TTBK2: variants seen among roughly 807,000 people sequenced by gnomAD.
TTBK2 encodes the protein tau-tubulin kinase 2.
In TTBK2, 28 loss-of-function variants were observed where a neutral mutation model predicts 110.8. The observed-to-expected ratio is 0.25, with a 90% CI of 0.19 to 0.35. TTBK2 has a LOEUF of 0.35. Among genes scored for constraint, TTBK2 ranks in the 10% least tolerant of loss-of-function variants. The pLI, the probability that TTBK2 is intolerant of heterozygous loss-of-function variation, is 1.00. For missense variants in TTBK2, 1,369 were observed against 1,500.3 expected (o/e 0.91, Z 1.45); for synonymous variants, 532 against 527.3 (o/e 1.01, Z -0.12).
chr15:42,852,540 A>G (rs1194972158), intron 3 of TTBK2, among the ~76,000 whole-genome samples: 1 of 152,218 alleles, frequency 6.6e-6, no homozygotes, highest in Admixed American at 6.5e-5. Flanking sequence ...TTCTTTGTGC[A>G]TATGGAGCAT....
intron 3 of TTBK2, among the ~76,000 whole-genome samples, chr15:42,861,328 T>C (rs769516049): frequency 6.6e-6 from 1 of 152,196 alleles, no homozygotes; most frequent in Non-Finnish European, 1.5e-5. Context: ...ACATGGAACA[T>C]ATTCTAAGAT....
chr15:42,884,726 A>T (rs1157376806), intron 1 of TTBK2, among the ~76,000 whole-genome samples: 1 of 152,188 alleles, frequency 6.6e-6, no homozygotes, highest in Non-Finnish European at 1.5e-5. Flanking sequence ...CTCCATTAAA[A>T]ACACAAAAGC....
At chr15:42,832,769 G>A (rs534593538) in intron 4 of TTBK2, among the ~76,000 whole-genome samples, 3 of 152,178 alleles carry the variant, frequency 2.0e-5, no homozygotes, top group South Asian at 4.2e-4. Context: ...TTAGTCCAGC[G>A]TATCCACATG....
At chr15:42,850,671 T>A (rs1436804848) in intron 3 of TTBK2, among the ~76,000 whole-genome samples, 1 of 152,190 alleles carries the variant, frequency 6.6e-6, no homozygotes, top group East Asian at 1.9e-4. Flanking sequence ...GTAATAATCT[T>A]ATTGAGGAAG....
chr15:42,809,394 T>A (rs1891607420), intron 9 of TTBK2, among the ~76,000 whole-genome samples: 1 of 152,248 alleles, frequency 6.6e-6, no homozygotes, highest in African/African-American at 2.4e-5. Flanking sequence ...AATATGATAG[T>A]CTTCTTTAGA....
intron 9 of TTBK2, chr15:42,802,500 T>C (rs985805360): frequency 3.8e-6 from 2 of 524,726 alleles, no homozygotes; most frequent in Admixed American, 2.9e-5. Context: ...TCTGCTCTTC[T>C]TGGGGATTTT....
chr15:42,776,045 C>T (rs533043176), intron 12 of TTBK2, among the ~76,000 whole-genome samples: 15 of 152,280 alleles, frequency 9.9e-5, no homozygotes, highest in Admixed American at 8.5e-4. Context: ...AATGTATAAA[C>T]CAATGCCCCA....
chr15:42,746,670 A>T (rs576757011), intron 14 of TTBK2, among the ~76,000 whole-genome samples: 2 of 152,234 alleles, frequency 1.3e-5, no homozygotes, highest in Non-Finnish European at 2.9e-5. Context: ...TAAGGATGTT[A>T]GGACAGGAAT....
chr15:42,839,821 C>A (rs1050068725), intron 4 of TTBK2, among the ~76,000 whole-genome samples: 1 of 152,070 alleles, frequency 6.6e-6, no homozygotes, highest in African/African-American at 2.4e-5. Context: ...TGAGCTGGGA[C>A]CCCTTCTTCA....
At chr15:42,749,900 A>C (rs2061842380) in intron 14 of TTBK2, among the ~76,000 whole-genome samples, 1 of 152,198 alleles carries the variant, frequency 6.6e-6, no homozygotes, top group Admixed American at 6.5e-5. Context: ...CTCAGCACAG[A>C]GACAGTCTAC....
intron 13 of TTBK2, 79 bp downstream of exon 13, chr15:42,775,056 T>C (rs1595896563): frequency 6.8e-7 from 1 of 1,475,278 alleles, no homozygotes; most frequent in East Asian, 2.3e-5. Context: ...TGAAGTATCT[T>C]AGTTGATCAA....
chr15:42,808,384 A>G (rs1456612963), intron 9 of TTBK2, among the ~76,000 whole-genome samples: 1 of 152,214 alleles, frequency 6.6e-6, no homozygotes, highest in African/African-American at 2.4e-5. Flanking sequence ...AAAAAAACTG[A>G]CTTTGGTCTT....
At chr15:42,775,792 A>G (rs576033261) in intron 12 of TTBK2, 69 bp from the exon 13 acceptor site, 4 of 1,251,854 alleles carry the variant, frequency 3.2e-6, no homozygotes, top group South Asian at 1.4e-5. Context: ...TATAAGCTCC[A>G]TAAAGAACTA....
chr15:42,898,146 A>G (rs1490704098), intron 1 of TTBK2, among the ~76,000 whole-genome samples: 4 of 152,128 alleles, frequency 2.6e-5, no homozygotes, highest in Non-Finnish European at 5.9e-5. Context: ...GTAAATGGGT[A>G]AGGGGATGAC....
chr15:42,819,454 T>C (rs2140955600), intron 6 of TTBK2, among the ~76,000 whole-genome samples: 1 of 152,348 alleles, frequency 6.6e-6, no homozygotes, highest in African/African-American at 2.4e-5. Flanking sequence ...ATAATCTATG[T>C]TTAATCAAGT....
At chr15:42,797,849 G>A (rs1175344867) in intron 9 of TTBK2, among the ~76,000 whole-genome samples, 1 of 151,688 alleles carries the variant, frequency 6.6e-6, no homozygotes, top group Non-Finnish European at 1.5e-5. Context: ...AATTTGAATA[G>A]TCCTCATGCC....
chr15:42,859,501 C>T (rs942853723), intron 3 of TTBK2, among the ~76,000 whole-genome samples: 2 of 152,094 alleles, frequency 1.3e-5, no homozygotes, highest in African/African-American at 4.8e-5. Context: ...TAATGGGGTG[C>T]GGGGGGACTA....
chr15:42,798,939 A>T (rs1218060975), intron 9 of TTBK2, among the ~76,000 whole-genome samples: 1 of 152,210 alleles, frequency 6.6e-6, no homozygotes, highest in Non-Finnish European at 1.5e-5. Context: ...CAAATCTGAA[A>T]ATCGAAAATC....
At chr15:42,873,408 T>C (rs1322454557) in intron 2 of TTBK2, among the ~76,000 whole-genome samples, 1 of 151,978 alleles carries the variant, frequency 6.6e-6, no homozygotes, top group African/African-American at 2.4e-5. Flanking sequence ...CATTCCAACC[T>C]GGGTGACAGA....
Sources: allele counts gnomAD v4.1 joint callset (sites outside exome capture counted in the v4.1 genomes callset), GRCh38; gene constraint gnomAD v4.1.1; transcripts MANE v1.5; gene names NCBI Gene and HGNC (gene_info 2026-07-23, HGNC 2026-07-21).